The following MPP7 variants were observed in gnomAD, a reference collection of about 807,000 sequenced individuals.
MPP7 encodes MAGUK p55 scaffold protein 7, also known as MAGUK p55 subfamily member 7.
In MPP7, 60 loss-of-function variants were observed where a neutral mutation model predicts 76.5. The ratio of observed to expected loss-of-function variants is 0.78; its 90% CI spans 0.64 to 0.97. The LOEUF is 0.97. Ranked by LOEUF, MPP7 falls within the 50% of genes least tolerant of loss-of-function variation. The pLI, the probability that MPP7 is intolerant of heterozygous loss-of-function variation, is 0.00. For missense variants in MPP7, 641 were observed against 694.0 expected (o/e 0.92, Z 0.86); for synonymous variants, 237 against 244.5 (o/e 0.97, Z 0.29).
intron 2 of MPP7, among the ~76,000 whole-genome samples, chr10:28,327,054 T>C (rs984981108): frequency 1.3e-5 from 2 of 152,016 alleles, no homozygotes; most frequent in African/African-American, 4.8e-5. Flanking sequence ...CAGCATTTAC[T>C]TGGGAAAGCA....
chr10:28,206,404 T>A (rs971689180), intron 2 of MPP7, among the ~76,000 whole-genome samples: 6 of 152,134 alleles, frequency 3.9e-5, no homozygotes, highest in African/African-American at 1.4e-4. Context: ...ATGAAATACA[T>A]ACCTAATTAA....
At chr10:28,179,541 T>C (rs1352760332) in intron 3 of MPP7, among the ~76,000 whole-genome samples, 1 of 152,214 alleles carries the variant, frequency 6.6e-6, no homozygotes, top group Non-Finnish European at 1.5e-5. Context: ...ATACCTCTAC[T>C]ACAGAGTTTC....
At chr10:28,070,850 A>C (rs1438670885) in intron 12 of MPP7, among the ~76,000 whole-genome samples, 1 of 152,222 alleles carries the variant, frequency 6.6e-6, no homozygotes, top group East Asian at 1.9e-4. Context: ...TTCAAATATG[A>C]GTCTGAAATC....
At chr10:28,144,103 G>A (rs1037144555) in intron 5 of MPP7, among the ~76,000 whole-genome samples, 1 of 152,052 alleles carries the variant, frequency 6.6e-6, no homozygotes. Context: ...TGGCCAGGCT[G>A]GTCTCGAACT....
At chr10:28,258,008 A>T (rs1839839912) in intron 1 of MPP7, among the ~76,000 whole-genome samples, 1 of 152,164 alleles carries the variant, frequency 6.6e-6, no homozygotes, top group Non-Finnish European at 1.5e-5. Context: ...CTGACACCTT[A>T]CAGTACACAA....
intron 1 of MPP7, among the ~76,000 whole-genome samples, chr10:28,267,231 T>C (rs1219828436): frequency 6.6e-6 from 1 of 152,186 alleles, no homozygotes; most frequent in Non-Finnish European, 1.5e-5. Flanking sequence ...CTTAGTACAT[T>C]GCATCTGGCC....
chr10:28,118,671 T>C (rs1201925491), intron 11 of MPP7: 2 of 985,300 alleles, frequency 2.0e-6, no homozygotes, highest in Non-Finnish European at 2.4e-6. Flanking sequence ...TCCTTGTGCC[T>C]AGACTTAATG....
chr10:28,148,307 AT>A (rs2133766124), intron 4 of MPP7, among the ~76,000 whole-genome samples: 1 of 152,296 alleles, frequency 6.6e-6, no homozygotes, highest in East Asian at 1.9e-4. Flanking sequence ...TCCTATCAAA[AT>A]TCCCATTCAA....
At chr10:28,283,011 G>A (rs1255573066) in intron 1 of MPP7, among the ~76,000 whole-genome samples, 2 of 151,930 alleles carry the variant, frequency 1.3e-5, no homozygotes, top group East Asian at 1.9e-4. Flanking sequence ...TCTTTTACAT[G>A]AAACATAAAA....
At chr10:28,169,975 GA>G (rs1413015954) in intron 3 of MPP7, among the ~76,000 whole-genome samples, 3 of 152,126 alleles carry the variant, frequency 2.0e-5, no homozygotes, top group Admixed American at 2.0e-4. Context: ...AGTGGCGATA[GA>G]AAGCACTTTT....
intron 5 of MPP7, among the ~76,000 whole-genome samples, chr10:28,141,631 C>T (rs1200250130): frequency 6.6e-6 from 1 of 151,682 alleles, no homozygotes; most frequent in Non-Finnish European, 1.5e-5. Context: ...TATATGCATG[C>T]CGGCACACAC....
rs868807739 is a variant in MPP7 at position 28,262,258 on chromosome 10, T to C, written c.-131-23523A>G. Reference sequence around the variant, plus strand: ...ATATATATATACATATATATATATATGTATATATATATATATATATTTTTT... The same window carrying C: ...ATATATATATACATATATATATATACGTATATATATATATATATATTTTTT... On this transcript the variant is annotated intron_variant, in intron 1 of 16. Transcript: ENST00000683449. Among the ~76,000 whole-genome samples the C allele has an allele frequency of 8.9e-4, 23 of 25,794 alleles. 1 individual carries two copies. Among genetic ancestry groups the C allele is most frequent in the East Asian group, 7.1e-3 (4 of 566 alleles). The allele number at this position is 25,794 out of a possible 152,430, so 16.9% of individuals were successfully genotyped here.
At chr10:28,177,916 G>C (rs528537700) in intron 3 of MPP7, among the ~76,000 whole-genome samples, 3 of 152,068 alleles carry the variant, frequency 2.0e-5, no homozygotes, top group African/African-American at 7.2e-5. Context: ...GATCCAGAAT[G>C]TCAAGCAGCC....
rs932367074 is a variant in MPP7 at position 28,072,647 on chromosome 10, C to T, written c.1124-2795G>A. ...GACATCAATATCCATGTAGAAATTG[C>T]TTCCAAATGCAGCCTCTGACTTCCT... On this transcript the variant is annotated intron_variant, in intron 12 of 16. Coordinates refer to ENST00000683449, the MANE Select transcript of MPP7 (RefSeq NM_001318170.2). 5.3e-5 allele frequency among the ~76,000 whole-genome samples: 8 copies of T among 152,318 alleles called. No individual in the cohort carries two copies. In the East Asian group the frequency reaches 9.6e-4, roughly 18 times the overall value.
intron 3 of MPP7, among the ~76,000 whole-genome samples, chr10:28,176,407 C>T (rs1836862748): frequency 6.6e-6 from 1 of 151,964 alleles, no homozygotes; most frequent in Admixed American, 6.6e-5. Context: ...CTCCCAATGG[C>T]CAAAGCTGGG....
At chr10:28,310,694 C>T (rs959082144) in intron 2 of MPP7, among the ~76,000 whole-genome samples, 2 of 152,140 alleles carry the variant, frequency 1.3e-5, no homozygotes, top group African/African-American at 4.8e-5. Flanking sequence ...AACAGGCTCT[C>T]CCCAAATGCA....
chr10:28,298,775 C>G (rs531718693), intron 1 of MPP7, among the ~76,000 whole-genome samples: 1 of 152,304 alleles, frequency 6.6e-6, no homozygotes, highest in East Asian at 1.9e-4. Context: ...ATCTGTTGTT[C>G]AGTGTAGCCA....
intron 11 of MPP7, among the ~76,000 whole-genome samples, chr10:28,104,409 A>G (rs1378577598): frequency 6.6e-6 from 1 of 152,186 alleles, no homozygotes; most frequent in Non-Finnish European, 1.5e-5. Flanking sequence ...TTTTAAATAC[A>G]TATGTTTACC....
chr10:28,253,338 G>A (rs895775157), intron 1 of MPP7, among the ~76,000 whole-genome samples: 1 of 152,132 alleles, frequency 6.6e-6, no homozygotes, highest in Admixed American at 6.6e-5. Flanking sequence ...GACTAACGAG[G>A]ATTTAGAGCT....
Sources: gnomAD v4.1 joint callset for allele counts (sites outside exome capture counted in the v4.1 genomes callset) on GRCh38, gnomAD v4.1.1 for gene constraint, MANE v1.5 for transcripts, NCBI Gene and HGNC (gene_info 2026-07-23, HGNC 2026-07-21) for gene names.